KPNA7: variants seen among roughly 807,000 people sequenced by gnomAD.
The protein encoded by KPNA7 is karyopherin subunit alpha 7, also known as importin subunit alpha-8.
A neutral mutation model predicts 53.7 loss-of-function variants in KPNA7; 54 were observed. That is an observed-to-expected ratio of 1.01 (90% confidence interval 0.81 to 1.26). The LOEUF is 1.26. KPNA7 is among the 50% of genes most tolerant of loss of function. The pLI, the probability that KPNA7 is intolerant of heterozygous loss-of-function variation, is 0.00. For missense variants in KPNA7, 640 were observed against 644.5 expected (o/e 0.99, Z 0.07); for synonymous variants, 276 against 259.3 (o/e 1.06, Z -0.62).
intron 3 of KPNA7, among the ~76,000 whole-genome samples, chr7:99,201,175 G>T (rs1316353345): frequency 1.3e-5 from 2 of 152,154 alleles, no homozygotes; most frequent in African/African-American, 4.8e-5. Context: ...AAGTAGACTA[G>T]TGTTTGCAGA....
intron 2 of KPNA7, among the ~76,000 whole-genome samples, chr7:99,204,377 A>ATC (rs34956359): frequency 0.079 from 11,981 of 150,812 alleles, 513 homozygotes; most frequent in South Asian, 0.15. Context: ...GCCTCTACAA[A>ATC]TCTCTCTCTC....
At chr7:99,203,285 A>T in intron 2 of KPNA7, 45 bp from the exon 3 acceptor site, 1 of 1,536,586 alleles carries the variant, frequency 6.5e-7, no homozygotes, top group Non-Finnish European at 8.8e-7. Flanking sequence ...AGGAGTGGGG[A>T]TGTCACATTT....
Position 99,187,799 on chromosome 7 carries a change from T to A in KPNA7, c.900+501A>T, listed in dbSNP as rs201147980. On this transcript the variant is annotated intron_variant, in intron 7 of 10. Coordinates refer to ENST00000327442, the MANE Select transcript of KPNA7 (RefSeq NM_001145715.3). ...AGCCACCGTGCCCGGCCTTTTTTTT[T>A]AAAAAAAAAAAAAAAAAAAAAAAAA... is the stretch of plus-strand genomic sequence containing the variant. Among the ~76,000 whole-genome samples, 299 of 65,054 alleles carry A rather than the reference T, an allele frequency of 4.6e-3. 11 individuals are homozygous for A. The highest frequency in any genetic ancestry group is 0.022 in the African/African-American group (274 of 12,292). The allele number at this position is 65,054 out of a possible 152,430, so 42.7% of individuals were successfully genotyped here.
the KPNA7 span, among the ~76,000 whole-genome samples, chr7:99,160,017 G>GTTTTTTTTTTTTTTTTTTTT: frequency 3.0e-5 from 2 of 67,660 alleles, 1 homozygote; most frequent in African/African-American, 1.2e-4. Context: ...TGTTGTTTTT[G>GTTTTTTTTTTTTTTTTTTTT]TTTTTTTTTT....
intron 6 of KPNA7, among the ~76,000 whole-genome samples, chr7:99,189,032 G>A (rs958832840): frequency 5.3e-5 from 8 of 152,132 alleles, no homozygotes; most frequent in African/African-American, 1.9e-4. Flanking sequence ...GCAGTGATGT[G>A]TATTAGGGAC....
the KPNA7 span, among the ~76,000 whole-genome samples, chr7:99,162,037 A>ATTTTTTTT: frequency 4.7e-5 from 5 of 106,908 alleles, no homozygotes; most frequent in Non-Finnish European, 5.6e-5. Flanking sequence ...CAAGATTGCA[A>ATTTTTTTT]TTTTTTTTTT....
rs1287955564 is a variant in KPNA7 at position 99,208,051 on chromosome 7, G to T, written c.-47C>A. Among the ~76,000 whole-genome samples, 10 of 152,006 alleles carry T rather than the reference G, an allele frequency of 6.6e-5. No homozygotes were observed. Among genetic ancestry groups the T allele is most frequent in the Admixed American group, 6.6e-4 (10 of 15,228 alleles). On this transcript the variant is annotated 5_prime_UTR_variant, in exon 1 of 11. Coordinates refer to ENST00000327442, the MANE Select transcript of KPNA7 (RefSeq NM_001145715.3). ...ACCTGGCAGCAAGAACAACAGTCTG[G>T]ACTTCTCAGCTCCATGTCCTATTTC... is the stretch of plus-strand genomic sequence containing the variant.
At chr7:99,199,337 A>G (rs1415947164) in intron 3 of KPNA7, among the ~76,000 whole-genome samples, 1 of 152,184 alleles carries the variant, frequency 6.6e-6, no homozygotes, top group African/African-American at 2.4e-5. Flanking sequence ...TCACTTCCCA[A>G]TTTCGAAACT....
chr7:99,181,765 C>T, intron 9 of KPNA7, 118 bp downstream of exon 9: 1 of 868,328 alleles, frequency 1.2e-6, no homozygotes, highest in Non-Finnish European at 1.7e-6. Context: ...TTCCTGACCT[C>T]AGGTGATCCA....
intron 7 of KPNA7, 67 bp downstream of exon 7, chr7:99,188,233 C>T: frequency 6.9e-7 from 1 of 1,454,858 alleles, no homozygotes; most frequent in East Asian, 2.5e-5. Context: ...ACAAACCTTG[C>T]CCCAGAACCT....
At chr7:99,147,683 C>T in the KPNA7 span, among the ~76,000 whole-genome samples, 27 of 152,000 alleles carry the variant, frequency 1.8e-4, no homozygotes, top group Non-Finnish European at 3.1e-4. Flanking sequence ...CCCAGCTACT[C>T]GGGAGGCTGA....
downstream of KPNA7, among the ~76,000 whole-genome samples, chr7:99,169,154 C>T (rs1444153268): frequency 6.6e-6 from 1 of 151,902 alleles, no homozygotes; most frequent in African/African-American, 2.4e-5. Context: ...CTCCCTGTCT[C>T]AAATAAATAA....
rs1454790832 is a variant in KPNA7, at chr7:99,185,074, A to G, written c.989T>C (p.Leu330Pro). The change falls in exon 8 of 11, where the codon CTC (leucine) becomes CCC (proline). Residue 330 changes from leucine to proline, a missense_variant. Leu to Pro is a moderately conservative substitution (Grantham distance 98). Coordinates refer to ENST00000327442, the MANE Select transcript of KPNA7 (RefSeq NM_001145715.3). ...CTTGTTGTGTTGCAGGAGCTGGGGG[A>G]GCACGTTCAGCATACCCGCATCAAT... ...MAIDAGMLNV[L>P]PQLLQHNKPS... 2 of 1,551,646 alleles carry G rather than the reference A, an allele frequency of 1.3e-6. No homozygotes were observed. The highest frequency in any genetic ancestry group is 1.4e-5 in the African/African-American group (1 of 73,006).
intron 3 of KPNA7, 78 bp downstream of exon 3, chr7:99,203,028 C>G: frequency 6.7e-7 from 1 of 1,486,544 alleles, no homozygotes; most frequent in Non-Finnish European, 9.1e-7. Flanking sequence ...AGTTCTGAAT[C>G]TATTAAATAT....
At chr7:99,173,199 AT>A (rs951957894), downstream of KPNA7, among the ~76,000 whole-genome samples, 1 of 149,670 alleles carries the variant, frequency 6.7e-6, no homozygotes, top group Non-Finnish European at 1.5e-5. Context: ...ATTTTTTATT[AT>A]TTTTTTTGAG....
chr7:99,183,695 C>T (rs1167872585), intron 8 of KPNA7, among the ~76,000 whole-genome samples: 1 of 152,146 alleles, frequency 6.6e-6, no homozygotes, highest in Non-Finnish European at 1.5e-5. Flanking sequence ...CATGAGACTC[C>T]ACCTGCCTCC....
chr7:99,172,810 C>T (rs1798793080), downstream of KPNA7, among the ~76,000 whole-genome samples: 1 of 152,032 alleles, frequency 6.6e-6, no homozygotes. Flanking sequence ...CGCCTGTAAT[C>T]CCAGCACTTT....
chr7:99,212,953 G>C (rs1029117768), upstream of KPNA7, among the ~76,000 whole-genome samples: 1 of 151,982 alleles, frequency 6.6e-6, no homozygotes, highest in Non-Finnish European at 1.5e-5. Flanking sequence ...TTAACATCTT[G>C]AAAACTAGAT....
rs372731037 is a variant in KPNA7, at chr7:99,204,364, C to T, written c.67-1124G>A. On this transcript the variant is annotated intron_variant, in intron 2 of 10. Coordinates refer to ENST00000327442, the MANE Select transcript of KPNA7 (RefSeq NM_001145715.3). Reference sequence around the variant, plus strand: ...TCCAGCCTGGGCAATAGAGCAAGACCCTGCCTCTACAAATCTCTCTCTCTC... The same window carrying T: ...TCCAGCCTGGGCAATAGAGCAAGACTCTGCCTCTACAAATCTCTCTCTCTC... 1.4e-4 allele frequency among the ~76,000 whole-genome samples: 21 copies of T among 151,128 alleles called. 1 individual carries two copies. In the East Asian group the frequency reaches 2.0e-3, roughly 14 times the overall value.
Sources: gnomAD v4.1 joint callset for allele counts (sites outside exome capture counted in the v4.1 genomes callset) on GRCh38, gnomAD v4.1.1 for gene constraint, MANE v1.5 for transcripts, NCBI Gene and HGNC (gene_info 2026-07-23, HGNC 2026-07-21) for gene names.